GXYLT1: variants seen among roughly 807,000 people sequenced by gnomAD.
The protein encoded by GXYLT1 is glucoside xylosyltransferase 1, also known as glycosyltransferase 8 domain containing 3.
In GXYLT1, 29 loss-of-function variants were observed where a neutral mutation model predicts 54.0. The observed-to-expected ratio is 0.54, with a 90% CI of 0.40 to 0.73. The LOEUF (loss-of-function observed/expected upper bound fraction) is 0.73. Ranked by LOEUF, GXYLT1 falls within the 30% of genes least tolerant of loss-of-function variation. GXYLT1 has a pLI of 0.00. For synonymous variants in GXYLT1, 176 were observed against 204.1 expected (o/e 0.86, Z 1.17); for missense variants, 490 against 553.4 (o/e 0.89, Z 1.15).
intron 1 of GXYLT1, among the ~76,000 whole-genome samples, chr12:42,139,054 A>AG (rs1218998347): frequency 6.7e-6 from 1 of 150,096 alleles, no homozygotes; most frequent in Non-Finnish European, 1.5e-5. Flanking sequence ...AAAAAAAGCC[A>AG]GGTGTGGTGT....
At chr12:42,128,610 A>G in intron 2 of GXYLT1, among the ~76,000 whole-genome samples, 1 of 152,200 alleles carries the variant, frequency 6.6e-6, no homozygotes, top group East Asian at 1.9e-4. Context: ...GTAAGCTCCA[A>G]AAGGATGGAG....
At chr12:42,125,451 G>T (rs1194123734) in intron 2 of GXYLT1, among the ~76,000 whole-genome samples, 1 of 152,168 alleles carries the variant, frequency 6.6e-6, no homozygotes, top group African/African-American at 2.4e-5. Context: ...TCAGGGAATG[G>T]GGAGAGAAAA....
At chr12:42,144,240 C>T (rs138556264) in intron 1 of GXYLT1, among the ~76,000 whole-genome samples, 186 bp downstream of exon 1, 118 of 152,360 alleles carry the variant, frequency 7.7e-4, no homozygotes, top group African/African-American at 2.7e-3. Context: ...GTGTAGGACA[C>T]TCTCAGGCGG....
At position 42,083,522 on chromosome 12, in the gene GXYLT1, T is replaced by A. The variant is rs1314447458; in HGVS notation, c.*4264A>T. Reference sequence around the variant, plus strand: ...CTCTAAGGAACCAAAAAAATTATTTTAAAAAACAAATCAGTGGTCTTTCTA... The same window carrying A: ...CTCTAAGGAACCAAAAAAATTATTTAAAAAAACAAATCAGTGGTCTTTCTA... On this transcript the variant is annotated 3_prime_UTR_variant, in exon 8 of 8. Coordinates refer to ENST00000398675, the MANE Select transcript of GXYLT1 (RefSeq NM_173601.2). The A allele has an allele frequency of 6.6e-6, 1 of 152,130 alleles. No individual in the cohort carries two copies. The highest frequency in any genetic ancestry group is 2.4e-5 in the African/African-American group (1 of 41,416). The allele number at this position is 152,130 out of a possible 1,614,324, so 9.4% of individuals were successfully genotyped here.
At chr12:42,140,548 G>A (rs1016610660) in intron 1 of GXYLT1, among the ~76,000 whole-genome samples, 6 of 144,718 alleles carry the variant, frequency 4.1e-5, no homozygotes, top group African/African-American at 1.3e-4. Context: ...CTCTGATGAC[G>A]AAAACAAGTT....
intron 5 of GXYLT1, among the ~76,000 whole-genome samples, chr12:42,100,838 C>G (rs1441020495): frequency 1.3e-5 from 2 of 151,962 alleles, no homozygotes; most frequent in African/African-American, 4.8e-5. Context: ...TGGTGGAGCC[C>G]TTGTACAACA....
At position 42,105,969 on chromosome 12, in the gene GXYLT1, G is replaced by C. The variant is rs1160139251; in HGVS notation, c.713C>G (p.Ser238Cys). The change falls in exon 5 of 8, where the codon TCC becomes TGC. Residue 238 changes from serine to cysteine, a missense_variant. By Grantham distance (112) the Ser-to-Cys change is moderately radical. This residue lies in a region of GXYLT1 where 342 missense variants were observed against 342.6 expected (regional missense o/e 1.00). Coordinates refer to ENST00000398675, the MANE Select transcript of GXYLT1 (RefSeq NM_173601.2). ...DIWSLLKKFN[S>C]TQIAAMAPEH... ...TGGTGCCATTGCAGCAATTTGTGTG[G>C]AATTAAATTTCTTTAGTAAAGACCA... 2.5e-6 allele frequency: 4 copies of C among 1,613,964 alleles called. No homozygotes were observed. Among genetic ancestry groups the C allele is most frequent in the Non-Finnish European group, 3.4e-6 (4 of 1,179,878 alleles).
rs368708919 is a variant in GXYLT1, at chr12:42,097,929, G to C, written c.969C>G (p.Ile323Met). The C allele has an allele frequency of 6.3e-7, 1 of 1,589,482 alleles. No individual in the cohort carries two copies. The highest frequency in any genetic ancestry group is 8.6e-7 in the Non-Finnish European group (1 of 1,165,674). The change falls in exon 6 of 8, where the codon ATC (isoleucine) becomes ATG (methionine). Residue 323 changes from isoleucine to methionine, a missense_variant. This residue lies in a region of GXYLT1 where 342 missense variants were observed against 342.6 expected (regional missense o/e 1.00). Transcript: ENST00000398675. ...AATTACCTGGATTATGAAAAAACAC[G>C]ATATTCAATAGATCTTGATCACCCC... is the stretch of plus-strand genomic sequence containing the variant. The part of the protein sequence containing the change: ...ITWGDQDLLN[I>M]VFFHNPESLF...
rs2065671101 is a variant in GXYLT1 at position 42,144,607 on chromosome 12, A to T, written c.40T>A (p.Cys14Ser). ...GCGTAAAGGAGCGAGCAGAAGCCGC[A>T]GGCCACACACAGCACCACGACGCGC... The part of the protein sequence containing the change: ...YLRVVVLCVA[C>S]GFCSLLYAFS... The change falls in exon 1 of 8, where the codon TGC becomes AGC. Residue 14 changes from cysteine (C) to serine (S), a missense_variant. By Grantham distance (112) the Cys-to-Ser change is moderately radical. Transcript: ENST00000398675. 3 of 1,476,918 alleles carry T rather than the reference A, an allele frequency of 2.0e-6. No homozygotes were observed. Among genetic ancestry groups the T allele is most frequent in the South Asian group, 2.6e-5 (2 of 76,352 alleles). 91.5% of individuals were successfully genotyped at this position (1,476,918 alleles called of 1,614,324 possible). A position where few individuals can be genotyped will look rare whatever the true frequency, so the allele number is the denominator to read the frequency against.
intron 1 of GXYLT1, among the ~76,000 whole-genome samples, chr12:42,137,503 C>CAAA (rs34628599): frequency 0.15 from 11,074 of 71,482 alleles, 1,184 homozygotes; most frequent in Middle Eastern, 0.2. Context: ...GCATCTGTTT[C>CAAA]AAAAAAAAAA....
chr12:42,094,645 C>A (rs1252223480), intron 7 of GXYLT1, among the ~76,000 whole-genome samples: 11 of 149,004 alleles, frequency 7.4e-5, no homozygotes, highest in Non-Finnish European at 1.6e-4. Flanking sequence ...GGTGACAGAG[C>A]AAGACCCAGC....
At chr12:42,137,836 T>C (rs1056417287) in intron 1 of GXYLT1, among the ~76,000 whole-genome samples, 32 of 150,934 alleles carry the variant, frequency 2.1e-4, no homozygotes, top group Non-Finnish European at 4.6e-4. Flanking sequence ...AATGAAGTGC[T>C]GCTGCAAAGC....
intron 1 of GXYLT1, among the ~76,000 whole-genome samples, chr12:42,131,287 TTC>T (rs2065592644): frequency 6.6e-6 from 1 of 152,198 alleles, no homozygotes; most frequent in Admixed American, 6.5e-5. Context: ...CAGCTTTGTT[TTC>T]TCTCATTATG....
chr12:42,122,025 T>C (rs1462461282), intron 2 of GXYLT1, among the ~76,000 whole-genome samples: 1 of 152,184 alleles, frequency 6.6e-6, no homozygotes, highest in South Asian at 2.1e-4. Flanking sequence ...ATTCAAATAA[T>C]GTTGGCCCCA....
chr12:42,133,249 G>A (rs542914345), intron 1 of GXYLT1, among the ~76,000 whole-genome samples: 2 of 152,232 alleles, frequency 1.3e-5, no homozygotes, highest in Admixed American at 1.3e-4. Context: ...TTGCACTCCA[G>A]CATGGGTGAC....
Position 42,083,261 on chromosome 12 carries a change from TAATG to T in GXYLT1, c.*4521_*4524del, listed in dbSNP as rs2065263849. The T allele has an allele frequency of 6.6e-6, 1 of 152,208 alleles. No individual in the cohort carries two copies. 9.4% of individuals were successfully genotyped at this position (152,208 alleles called of 1,614,324 possible). A position where few individuals can be genotyped will look rare whatever the true frequency, so the allele number is the denominator to read the frequency against. On this transcript the variant is annotated 3_prime_UTR_variant, in exon 8 of 8. Transcript: ENST00000398675. The stretch of plus-strand genomic sequence containing the variant: ...AGTTTGTAAAACCTAGTTTCATGTT[TAATG>T]AATTAAGAAACAACATCAGAACAGT...
intron 2 of GXYLT1, among the ~76,000 whole-genome samples, chr12:42,127,506 G>C (rs780980795): frequency 6.6e-6 from 1 of 152,184 alleles, no homozygotes; most frequent in East Asian, 1.9e-4. Context: ...TTTATTCCAC[G>C]GAATACTTGG....
chr12:42,100,472 T>TCA (rs1299604308), intron 5 of GXYLT1, among the ~76,000 whole-genome samples: 3 of 152,186 alleles, frequency 2.0e-5, no homozygotes, highest in Admixed American at 6.5e-5. Context: ...GAAACATTGT[T>TCA]ATAAGTCATT....
intron 7 of GXYLT1, among the ~76,000 whole-genome samples, chr12:42,094,141 C>T (rs2065342999): frequency 6.6e-6 from 1 of 151,592 alleles, no homozygotes; most frequent in African/African-American, 2.4e-5. Context: ...ATTGCTTGAG[C>T]CCAGGAATTC....
Sources: gnomAD v4.1 joint callset for allele counts (sites outside exome capture counted in the v4.1 genomes callset) on GRCh38, gnomAD v4.1.1 for gene constraint, gnomAD v4.1.1 regional missense constraint, MANE v1.5 for transcripts, NCBI Gene and HGNC (gene_info 2026-07-23, HGNC 2026-07-21) for gene names.